CDC73: variants seen among roughly 807,000 people sequenced by gnomAD.
CDC73 encodes cell division cycle 73, also known as parafibromin.
In CDC73, 21 loss-of-function variants were observed where a neutral mutation model predicts 83.7. That is an observed-to-expected ratio of 0.25 (90% CI 0.18 to 0.36). The LOEUF (loss-of-function observed/expected upper bound fraction) is 0.36. CDC73 is among the 10% of genes least tolerant of loss of function. The pLI is 1.00. For missense variants in CDC73, 342 were observed against 653.3 expected (o/e 0.52, Z 5.19); for synonymous variants, 224 against 212.9 (o/e 1.05, Z -0.45).
intron 10 of CDC73, among the ~76,000 whole-genome samples, chr1:193,182,206 T>C (rs1207200302): frequency 6.6e-6 from 1 of 152,150 alleles, no homozygotes; most frequent in African/African-American, 2.4e-5. Context: ...CTTGGCATGT[T>C]TCCATTGGCC....
chr1:193,155,335 C>A lies in CDC73; in HGVS notation c.972+2891C>A, dbSNP rs375448120. The stretch of plus-strand genomic sequence containing the variant: ...GTTACAAGTTTGTATAGTTGGGTTT[C>A]TGGTTAACTTTTGACTTAGGCCATG... On this transcript the variant is annotated intron_variant, in intron 10 of 16. Transcript: ENST00000367435. Among the ~76,000 whole-genome samples the A allele has an allele frequency of 1.4e-4, 22 of 152,258 alleles. No individual in the cohort carries two copies. The South Asian group carries it at 4.4e-3, about 30-fold the overall frequency.
chr1:193,155,580 C>A (rs935047906), intron 10 of CDC73, among the ~76,000 whole-genome samples: 6 of 152,132 alleles, frequency 3.9e-5, no homozygotes. Flanking sequence ...GAGTTCAAGA[C>A]CAGCTCGGTT....
chr1:193,153,061 C>T (rs1218652529), intron 10 of CDC73, among the ~76,000 whole-genome samples: 1 of 152,090 alleles, frequency 6.6e-6, no homozygotes, highest in African/African-American at 2.4e-5. Flanking sequence ...AGCCACCGTG[C>T]CCAGCCTTGT....
At chr1:193,138,059 A>G in intron 5 of CDC73, 26 bp from the exon 6 acceptor site, 1 of 1,542,390 alleles carries the variant, frequency 6.5e-7, no homozygotes. Flanking sequence ...AAAATTTTAA[A>G]TGCATTAACC....
chr1:193,163,846 T>G (rs1486706246), intron 10 of CDC73, among the ~76,000 whole-genome samples: 1 of 152,190 alleles, frequency 6.6e-6, no homozygotes, highest in African/African-American at 2.4e-5. Flanking sequence ...TGGCGTGATC[T>G]GGATCAACTG....
chr1:193,180,494 G>C (rs1478218728), intron 10 of CDC73: 1 of 1,613,968 alleles, frequency 6.2e-7, no homozygotes, highest in East Asian at 2.2e-5. Context: ...TTGGGAGGGG[G>C]TACAGGATCA....
In CDC73 at chr1:193,136,114, A is replaced by G. The variant is rs1290979001; in HGVS notation, c.423+525A>G. Reference sequence around the variant, plus strand: ...GAATTCTTTCTTTATGAAAGGCCAGATAGTAAATATTTTAGGCCTTATGGG... The same window carrying G: ...GAATTCTTTCTTTATGAAAGGCCAGGTAGTAAATATTTTAGGCCTTATGGG... On this transcript the variant is annotated intron_variant, in intron 5 of 16. Coordinates refer to ENST00000367435, the MANE Select transcript of CDC73 (RefSeq NM_024529.5). Among the ~76,000 whole-genome samples, 6 of 152,134 alleles carry G rather than the reference A, an allele frequency of 3.9e-5. 1 individual carries two copies. Among genetic ancestry groups the G allele is most frequent in the African/African-American group, 7.2e-5 (3 of 41,522 alleles).
chr1:193,174,568 G>C (rs1363597303), intron 10 of CDC73, among the ~76,000 whole-genome samples: 1 of 152,076 alleles, frequency 6.6e-6, no homozygotes, highest in Non-Finnish European at 1.5e-5. Flanking sequence ...CATTATTACT[G>C]TTAATGATGC....
chr1:193,188,664 C>A (rs942795167), intron 10 of CDC73, among the ~76,000 whole-genome samples: 6 of 152,012 alleles, frequency 3.9e-5, no homozygotes, highest in African/African-American at 1.4e-4. Flanking sequence ...AATTATTATT[C>A]TTTTGCCAGT....
intron 10 of CDC73, among the ~76,000 whole-genome samples, chr1:193,165,948 A>T (rs967053547): frequency 2.6e-5 from 4 of 152,230 alleles, no homozygotes; most frequent in Admixed American, 2.6e-4. Flanking sequence ...TTTTACATGT[A>T]AGTTCTGTTA....
intron 13 of CDC73, among the ~76,000 whole-genome samples, chr1:193,216,256 G>A (rs1677365020): frequency 6.6e-6 from 1 of 152,012 alleles, no homozygotes; most frequent in Non-Finnish European, 1.5e-5. Flanking sequence ...AAATGACAAA[G>A]GGACATTACC....
intron 15 of CDC73, among the ~76,000 whole-genome samples, 178 bp downstream of exon 15, chr1:193,236,534 T>C (rs747772719): frequency 3.3e-5 from 5 of 152,224 alleles, no homozygotes; most frequent in Admixed American, 2.0e-4. Flanking sequence ...ATTAATACTT[T>C]CTGTGTAGGT....
At chr1:193,241,160 G>C (rs1452215098) in intron 15 of CDC73, among the ~76,000 whole-genome samples, 1 of 152,022 alleles carries the variant, frequency 6.6e-6, no homozygotes, top group African/African-American at 2.4e-5. Context: ...TTTTGAATTT[G>C]CTTTTTTAGG....
chr1:193,133,103 G>T (rs569301752), intron 3 of CDC73, among the ~76,000 whole-genome samples: 1 of 151,680 alleles, frequency 6.6e-6, no homozygotes, highest in South Asian at 2.1e-4. Flanking sequence ...GGGTTTCACT[G>T]TGTTAGCCAG....
chr1:193,238,462 T>TA (rs1213692475), intron 15 of CDC73, among the ~76,000 whole-genome samples: 1 of 152,254 alleles, frequency 6.6e-6, no homozygotes, highest in Non-Finnish European at 1.5e-5. Context: ...ACTGTTAACT[T>TA]ACCAGAATTT....
intron 6 of CDC73, among the ~76,000 whole-genome samples, chr1:193,138,879 A>T (rs1264847451): frequency 1.3e-5 from 2 of 148,256 alleles, no homozygotes; most frequent in African/African-American, 5.0e-5. Context: ...GTTTCAAGCG[A>T]TTCTCCTGCC....
chr1:193,148,785 C>T (rs996839465), intron 8 of CDC73, among the ~76,000 whole-genome samples: 1 of 151,262 alleles, frequency 6.6e-6, no homozygotes, highest in Non-Finnish European at 1.5e-5. Flanking sequence ...GCCAGGATTA[C>T]AGGCGCATGC....
rs3079946 is a variant in CDC73, at chr1:193,187,102, T to TCCCCCCCC, written c.973-16690_973-16683dup. Among the ~76,000 whole-genome samples the TCCCCCCCC allele has an allele frequency of 1.4e-3, 47 of 32,668 alleles. 2 individuals are homozygous for TCCCCCCCC. The highest frequency in any genetic ancestry group is 1.7e-3 in the East Asian group (4 of 2,344). 21.4% of individuals were successfully genotyped at this position (32,668 alleles called of 152,430 possible). A position where few individuals can be genotyped will look rare whatever the true frequency, so the allele number is the denominator to read the frequency against. On this transcript the variant is annotated intron_variant, in intron 10 of 16. Coordinates refer to ENST00000367435, the MANE Select transcript of CDC73 (RefSeq NM_024529.5). The stretch of plus-strand genomic sequence containing the variant: ...AAACCATGTATCTTTGTAATTTAGA[T>TCCCCCCCC]CCCCCCCCCCGTTTTCTGGGGTTTG...
At chr1:193,218,754 T>C (rs899460650) in intron 13 of CDC73, among the ~76,000 whole-genome samples, 1 of 151,924 alleles carries the variant, frequency 6.6e-6, no homozygotes, top group Admixed American at 6.6e-5. Context: ...TATGCAAAAA[T>C]CAACTCAAGA....
Sources: allele counts gnomAD v4.1 joint callset (sites outside exome capture counted in the v4.1 genomes callset), GRCh38; gene constraint gnomAD v4.1.1; transcripts MANE v1.5; gene names NCBI Gene and HGNC (gene_info 2026-07-23, HGNC 2026-07-21).